NMNAT3: variants seen among roughly 807,000 people sequenced by gnomAD.
NMNAT3 encodes the protein nicotinamide nucleotide adenylyltransferase 3, also known as nicotinamide/nicotinic acid mononucleotide adenylyltransferase 3.
NMNAT3 carries 21 observed loss-of-function variants against 24.8 expected under a neutral mutation model. That is an observed-to-expected ratio of 0.85 (90% CI 0.60 to 1.22). NMNAT3 has a LOEUF of 1.22. Ranked by LOEUF, NMNAT3 falls within the 50% of genes most tolerant of loss-of-function variation. NMNAT3 has a pLI of 0.00. For synonymous variants in NMNAT3, 136 were observed against 155.2 expected, an observed-to-expected ratio of 0.88 and a Z score of 0.92; for missense variants, 387 against 436.6, an observed-to-expected ratio of 0.89 and a Z score of 1.01.
At chr3:139,619,256 C>A (rs1259867234) in intron 3 of NMNAT3, among the ~76,000 whole-genome samples, 2 of 152,054 alleles carry the variant, frequency 1.3e-5, no homozygotes, top group Non-Finnish European at 2.9e-5. Context: ...GGTGGCAACC[C>A]AATGTACAAC....
chr3:139,586,414 C>G (rs1252999197), intron 3 of NMNAT3, among the ~76,000 whole-genome samples: 1 of 152,140 alleles, frequency 6.6e-6, no homozygotes, highest in Admixed American at 6.5e-5. Context: ...ACGTGCTACC[C>G]ACCACTTTTT....
chr3:139,641,508 G>A (rs533400249), intron 1 of NMNAT3, among the ~76,000 whole-genome samples: 1 of 152,116 alleles, frequency 6.6e-6, no homozygotes, highest in Non-Finnish European at 1.5e-5. Context: ...ATATCCCTGG[G>A]CCTCAAGGTC....
At chr3:139,594,061 C>G (rs1349466063) in intron 3 of NMNAT3, among the ~76,000 whole-genome samples, 3 of 151,954 alleles carry the variant, frequency 2.0e-5, no homozygotes, top group Non-Finnish European at 4.4e-5. Context: ...TGATAGATCA[C>G]TAGCAAGACT....
At chr3:139,580,052 A>G (rs951929234) in intron 4 of NMNAT3, among the ~76,000 whole-genome samples, 1 of 152,226 alleles carries the variant, frequency 6.6e-6, no homozygotes, top group Admixed American at 6.5e-5. Context: ...AGACAGGTCT[A>G]TAATTTTCCT....
chr3:139,579,104 A>ACCTGGCAG (rs746590305), intron 4 of NMNAT3, 49 bp from the exon 5 acceptor site: 2 of 1,518,176 alleles, frequency 1.3e-6, no homozygotes, highest in South Asian at 2.4e-5. Context: ...GATGCTCACC[A>ACCTGGCAG]CCTGGCAGCC....
intron 2 of NMNAT3, among the ~76,000 whole-genome samples, chr3:139,630,666 A>G (rs1254903697): frequency 6.6e-6 from 1 of 152,212 alleles, no homozygotes; most frequent in Non-Finnish European, 1.5e-5. Context: ...TCTGAGCTAC[A>G]GTGTGAAGAT....
intron 3 of NMNAT3, among the ~76,000 whole-genome samples, chr3:139,584,684 A>G (rs370031228): frequency 1.3e-5 from 2 of 152,266 alleles, no homozygotes; most frequent in East Asian, 1.9e-4. Context: ...CAGAGAATAT[A>G]CTCTATATTG....
chr3:139,621,419 T>C (rs901840202), intron 3 of NMNAT3, among the ~76,000 whole-genome samples: 2 of 152,214 alleles, frequency 1.3e-5, no homozygotes, highest in East Asian at 1.9e-4. Flanking sequence ...CTCTGTTGCC[T>C]GGACTGAAGT....
intron 3 of NMNAT3, among the ~76,000 whole-genome samples, chr3:139,596,792 G>A (rs993571615): frequency 3.3e-5 from 5 of 151,520 alleles, no homozygotes; most frequent in East Asian, 1.9e-4. Context: ...AGAGCAGGCC[G>A]AGCTGCTGCC....
chr3:139,609,668 A>T (rs371983175), intron 3 of NMNAT3: 2 of 59,862 alleles, frequency 3.3e-5, no homozygotes, highest in Non-Finnish European at 3.8e-5. Context: ...TTTTTTTTTT[A>T]AGAGACAAAA....
chr3:139,601,728 A>T (rs945600216), intron 3 of NMNAT3, among the ~76,000 whole-genome samples: 3 of 152,108 alleles, frequency 2.0e-5, no homozygotes, highest in Non-Finnish European at 4.4e-5. Flanking sequence ...GTCCCAAGGG[A>T]GTTGGACAGT....
chr3:139,657,466 C>G (rs1360121208), intron 1 of NMNAT3, among the ~76,000 whole-genome samples: 4 of 152,170 alleles, frequency 2.6e-5, no homozygotes, highest in African/African-American at 9.7e-5. Context: ...AATGGGGCCT[C>G]CACTCAAGGT....
At chr3:139,603,196 C>T (rs545025286) in intron 3 of NMNAT3, among the ~76,000 whole-genome samples, 5 of 152,276 alleles carry the variant, frequency 3.3e-5, no homozygotes, top group African/African-American at 1.2e-4. Context: ...CCTTAATGTG[C>T]ACAGTAATTC....
intron 3 of NMNAT3, among the ~76,000 whole-genome samples, chr3:139,596,447 A>C (rs1166408125): frequency 6.6e-6 from 1 of 152,090 alleles, no homozygotes; most frequent in Middle Eastern, 3.2e-3. Context: ...CCAAATACTT[A>C]AGTGACTATG....
rs538915098 is a variant in NMNAT3 at position 139,587,786 on chromosome 3, G to A, written c.110-4578C>T. Reference sequence around the variant, plus strand: ...ACATGCTCCTTCTTTTTCTCTTCCTGTTTAAAAGAAATGGGGGTTGGGAGG... The same window carrying A: ...ACATGCTCCTTCTTTTTCTCTTCCTATTTAAAAGAAATGGGGGTTGGGAGG... On this transcript the variant is annotated intron_variant, in intron 3 of 6. Transcript: ENST00000643695. Among the ~76,000 whole-genome samples the A allele has an allele frequency of 1.3e-4, 20 of 152,258 alleles. No individual in the cohort carries two copies. The South Asian group carries it at 3.9e-3, about 30-fold the overall frequency.
intron 3 of NMNAT3, among the ~76,000 whole-genome samples, chr3:139,620,103 T>G (rs73869366): frequency 0.02 from 3,034 of 152,240 alleles, 87 homozygotes; most frequent in African/African-American, 0.067. Context: ...TCTGTGGAAT[T>G]TTATAGTTTC....
At chr3:139,612,667 T>C (rs2055282225) in intron 3 of NMNAT3, among the ~76,000 whole-genome samples, 1 of 152,166 alleles carries the variant, frequency 6.6e-6, no homozygotes. Context: ...TAGCAGTTGC[T>C]TTTCCACAGG....
At chr3:139,669,429 A>C (rs1261742055) in intron 1 of NMNAT3, among the ~76,000 whole-genome samples, 2 of 145,820 alleles carry the variant, frequency 1.4e-5, no homozygotes, top group African/African-American at 2.5e-5. Context: ...GAGTGCCAAG[A>C]TCATGCCACT....
rs2056565344 is a variant in NMNAT3 at position 139,638,023 on chromosome 3, G to C, written c.-101C>G. On this transcript the variant is annotated 5_prime_UTR_variant, in exon 2 of 7. Coordinates refer to ENST00000643695, the MANE Select transcript of NMNAT3 (RefSeq NM_001320510.2). ...AGATCAGAGTGGGAGCCAGGGAGCA[G>C]CAGTCCGCTTCATGGCAGGATCTAG... 6.6e-6 allele frequency: 1 copy of C among 152,182 alleles called. No homozygotes were observed. Among genetic ancestry groups the C allele is most frequent in the African/African-American group, 2.4e-5 (1 of 41,432 alleles). The allele number at this position is 152,182 out of a possible 1,614,324, so 9.4% of individuals were successfully genotyped here. A position where few individuals can be genotyped will look rare whatever the true frequency, so the allele number is the denominator to read the frequency against.
Sources: allele counts gnomAD v4.1 joint callset (sites outside exome capture counted in the v4.1 genomes callset), GRCh38; gene constraint gnomAD v4.1.1; transcripts MANE v1.5; gene names NCBI Gene and HGNC (gene_info 2026-07-23, HGNC 2026-07-21).